HTR4: variants seen among roughly 807,000 people sequenced by gnomAD.
HTR4 encodes 5-hydroxytryptamine receptor 4.
A neutral mutation model predicts 36.8 loss-of-function variants in HTR4; 16 were observed. The ratio of observed to expected loss-of-function variants is 0.43; its 90% CI spans 0.29 to 0.66. HTR4 has a LOEUF of 0.66. Among genes scored for constraint, HTR4 ranks in the 30% least tolerant of loss-of-function variants. The pLI, the probability that HTR4 is intolerant of heterozygous loss-of-function variation, is 0.13. For missense variants in HTR4, 438 were observed against 490.9 expected (o/e 0.89, Z 1.02); for synonymous variants, 189 against 185.1 (o/e 1.02, Z -0.17).
At chr5:148,463,432 G>A (rs1203937533) in intron 5 of HTR4, among the ~76,000 whole-genome samples, 3 of 151,366 alleles carry the variant, frequency 2.0e-5, no homozygotes, top group Non-Finnish European at 4.4e-5. Context: ...CACCCAGCTC[G>A]ACCTCCCAAG....
chr5:148,588,035 C>G (rs1403302585), intron 2 of HTR4, among the ~76,000 whole-genome samples: 1 of 152,054 alleles, frequency 6.6e-6, no homozygotes, highest in Admixed American at 6.6e-5. Flanking sequence ...TTGGGGACCT[C>G]TGAAGGAATT....
chr5:148,567,996 C>G (rs1397414058), intron 2 of HTR4, among the ~76,000 whole-genome samples: 1 of 152,084 alleles, frequency 6.6e-6, no homozygotes, highest in Non-Finnish European at 1.5e-5. Context: ...TGAATGGTGC[C>G]ACTGAAGACT....
intron 6 of HTR4, among the ~76,000 whole-genome samples, chr5:148,486,640 C>T (rs1756172265): frequency 6.6e-6 from 1 of 152,162 alleles, no homozygotes; most frequent in African/African-American, 2.4e-5. Context: ...TCTGATTGGG[C>T]ACCAGCTGTG....
rs141536385 is a variant in HTR4, at chr5:148,484,327, C to T, written c.1077-1034G>A. 2.5e-6 allele frequency: 4 copies of T among 1,613,458 alleles called. No individual in the cohort carries two copies. In the South Asian group the frequency reaches 4.4e-5, roughly 18 times the overall value. On this transcript the variant is annotated intron_variant, in intron 6 of 6. Transcript: ENST00000377888. ...GTGCCTGAGAATGGACCCGCTCTGG[C>T]AGGCTTTGTCCAATACCTTGCTAAA...
chr5:148,557,825 C>T (rs1210093101), intron 2 of HTR4, among the ~76,000 whole-genome samples: 2 of 149,588 alleles, frequency 1.3e-5, no homozygotes, highest in African/African-American at 4.9e-5. Context: ...CTTGATACTT[C>T]CCTGGAACTA....
intron 1 of HTR4, among the ~76,000 whole-genome samples, chr5:148,638,367 G>A (rs1313387152): frequency 2.0e-5 from 3 of 152,166 alleles, no homozygotes; most frequent in African/African-American, 7.2e-5. Context: ...ATATTTTGCT[G>A]GAAATATACA....
chr5:148,647,835 C>T (rs879606506), intron 1 of HTR4, among the ~76,000 whole-genome samples: 4 of 152,120 alleles, frequency 2.6e-5, no homozygotes, highest in South Asian at 2.1e-4. Context: ...GCTGACAGAG[C>T]GAGACTCCAT....
intron 2 of HTR4, among the ~76,000 whole-genome samples, chr5:148,636,092 A>G (rs903492313): frequency 3.3e-5 from 5 of 152,188 alleles, no homozygotes; most frequent in African/African-American, 9.6e-5. Flanking sequence ...TCTACCCTCA[A>G]GAAATTCCCT....
At chr5:148,462,643 A>T (rs900773077) in intron 5 of HTR4, among the ~76,000 whole-genome samples, 3 of 152,138 alleles carry the variant, frequency 2.0e-5, no homozygotes, top group Non-Finnish European at 4.4e-5. Flanking sequence ...ACAAGCAGAG[A>T]GAATACTTTC....
intron 2 of HTR4, among the ~76,000 whole-genome samples, chr5:148,560,174 C>G (rs968880733): frequency 9.1e-6 from 1 of 110,328 alleles, no homozygotes; most frequent in African/African-American, 3.5e-5. Flanking sequence ...TTTTTCTTTT[C>G]TTTTTTCTTT....
chr5:148,654,083 C>A lies in HTR4; in HGVS notation c.-69G>T. The A allele has an allele frequency of 2.0e-6, 2 of 985,292 alleles. No individual in the cohort carries two copies. Among genetic ancestry groups the A allele is most frequent in the Non-Finnish European group, 2.4e-6 (2 of 829,886 alleles). 61.0% of individuals were successfully genotyped at this position (985,292 alleles called of 1,614,324 possible). On this transcript the variant is annotated 5_prime_UTR_variant, in exon 1 of 7. Transcript: ENST00000377888. ...ATACCCGCTGCCAGAGGCGAGGGAG[C>A]GAGGTGCCCTGGCAGATTCGAGCGG...
chr5:148,601,988 G>A (rs1561643672), intron 2 of HTR4, among the ~76,000 whole-genome samples: 1 of 152,116 alleles, frequency 6.6e-6, no homozygotes, highest in Non-Finnish European at 1.5e-5. Flanking sequence ...TTGGAAAGAT[G>A]AGGAGATAAT....
At chr5:148,484,098 T>C (rs1756032890) in intron 6 of HTR4, among the ~76,000 whole-genome samples, 4 of 152,114 alleles carry the variant, frequency 2.6e-5, no homozygotes. Flanking sequence ...CAAGATATGA[T>C]TATTTAGCAC....
rs577165212 is a variant in HTR4 at position 148,643,515 on chromosome 5, T to C, written c.-47-6454A>G. Among the ~76,000 whole-genome samples the C allele has an allele frequency of 2.1e-4, 32 of 152,234 alleles. No homozygotes were observed. In the South Asian group the frequency reaches 6.4e-3, roughly 31 times the overall value. ...CAATTAAGTGTGAATCTGGGAATTT[T>C]GTGGGGAAAAAAAAGAGAAGATTCA... On this transcript the variant is annotated intron_variant, in intron 1 of 6. Coordinates refer to ENST00000377888, the MANE Select transcript of HTR4 (RefSeq NM_000870.7).
At chr5:148,638,817 G>A (rs1234151820) in intron 1 of HTR4, among the ~76,000 whole-genome samples, 1 of 152,076 alleles carries the variant, frequency 6.6e-6, no homozygotes, top group African/African-American at 2.4e-5. Flanking sequence ...CACTTTGGGG[G>A]GCCTAGGTGA....
At chr5:148,457,549 G>C (rs976044548) in intron 5 of HTR4, among the ~76,000 whole-genome samples, 1 of 151,438 alleles carries the variant, frequency 6.6e-6, no homozygotes, top group African/African-American at 2.4e-5. Flanking sequence ...CATCACCCCA[G>C]CCTTCTCCTG....
At chr5:148,558,179 AAC>A (rs148582608) in intron 2 of HTR4, among the ~76,000 whole-genome samples, 3,241 of 152,250 alleles carry the variant, frequency 0.021, 69 homozygotes, top group South Asian at 0.096. Context: ...CTTACCAATC[AAC>A]AGTTAGGAGA....
At chr5:148,578,139 A>G (rs560772245) in intron 2 of HTR4, among the ~76,000 whole-genome samples, 1 of 152,116 alleles carries the variant, frequency 6.6e-6, no homozygotes, top group East Asian at 1.9e-4. Context: ...TGATAAGACT[A>G]CAAATTCTGG....
At chr5:148,479,311 T>A (rs975520688), downstream of HTR4, among the ~76,000 whole-genome samples, 1 of 152,094 alleles carries the variant, frequency 6.6e-6, no homozygotes, top group Non-Finnish European at 1.5e-5. Context: ...GAAAATTCTC[T>A]AGCTTCAAAC....
Sources: gnomAD v4.1 joint callset for allele counts (sites outside exome capture counted in the v4.1 genomes callset) on GRCh38, gnomAD v4.1.1 for gene constraint, MANE v1.5 for transcripts, NCBI Gene and HGNC (gene_info 2026-07-23, HGNC 2026-07-21) for gene names.